PSD3: variants seen among roughly 807,000 people sequenced by gnomAD.
PSD3 encodes PH and SEC7 domain-containing protein 3.
In PSD3, 49 loss-of-function variants were observed where a neutral mutation model predicts 105.5. That is an observed-to-expected ratio of 0.46 (90% confidence interval 0.37 to 0.59). The LOEUF is 0.59. Among genes scored for constraint, PSD3 ranks in the 20% least tolerant of loss-of-function variants. The pLI is 0.00. For synonymous variants in PSD3, 557 were observed against 457.8 expected (o/e 1.22, Z -2.77); for missense variants, 1,561 against 1,263.8 (o/e 1.24, Z -3.57).
chr8:18,675,192 T>C (rs1477367361), intron 9 of PSD3, among the ~76,000 whole-genome samples: 1 of 152,088 alleles, frequency 6.6e-6, no homozygotes, highest in Non-Finnish European at 1.5e-5. Flanking sequence ...AGAAGAAAAC[T>C]GTAATGAAAA....
intron 4 of PSD3, among the ~76,000 whole-genome samples, chr8:18,865,546 C>G (rs1274019535): frequency 2.0e-5 from 3 of 151,862 alleles, no homozygotes; most frequent in African/African-American, 7.3e-5. Flanking sequence ...CACCTGTAAC[C>G]ACTTATTATC....
chr8:18,804,237 A>G (rs1470338713), intron 6 of PSD3: 1 of 282,510 alleles, frequency 3.5e-6, no homozygotes, highest in Non-Finnish European at 6.5e-6. Flanking sequence ...AATCTACAAC[A>G]CTTTTCAGTG....
chr8:18,913,194 G>C (rs1258349599), intron 2 of PSD3, among the ~76,000 whole-genome samples: 1 of 151,278 alleles, frequency 6.6e-6, no homozygotes, highest in Non-Finnish European at 1.5e-5. Flanking sequence ...TATTGGACTG[G>C]ACTCATCCAT....
At chr8:18,984,163 C>T (rs1435199416) in intron 1 of PSD3, among the ~76,000 whole-genome samples, 9 of 150,578 alleles carry the variant, frequency 6.0e-5, no homozygotes, top group Admixed American at 6.0e-4. Flanking sequence ...AGACTTGCTC[C>T]ACACAAAGTT....
intron 9 of PSD3, chr8:18,732,841 A>T (rs1484689365): frequency 6.6e-6 from 1 of 151,640 alleles, no homozygotes; most frequent in Non-Finnish European, 1.5e-5. Context: ...TTTTTTTCAC[A>T]GATATTCTAC....
chr8:18,658,253 A>G (rs1370190719), intron 9 of PSD3, among the ~76,000 whole-genome samples: 1 of 152,172 alleles, frequency 6.6e-6, no homozygotes, highest in Non-Finnish European at 1.5e-5. Flanking sequence ...GCTTTATCAC[A>G]ATTATTATTT....
intron 2 of PSD3, among the ~76,000 whole-genome samples, chr8:18,911,335 A>C (rs939074372): frequency 6.6e-6 from 1 of 152,236 alleles, no homozygotes; most frequent in Non-Finnish European, 1.5e-5. Flanking sequence ...ACTTTCAAGG[A>C]AAGTTAGCAC....
chr8:18,939,611 A>G (rs1475371587), intron 1 of PSD3, among the ~76,000 whole-genome samples: 1 of 152,026 alleles, frequency 6.6e-6, no homozygotes, highest in African/African-American at 2.4e-5. Flanking sequence ...GCCTCCTGAG[A>G]AGTTGGGATA....
intron 8 of PSD3, among the ~76,000 whole-genome samples, chr8:18,797,434 G>A (rs1295097386): frequency 1.3e-5 from 2 of 152,002 alleles, no homozygotes; most frequent in Non-Finnish European, 2.9e-5. Flanking sequence ...CAGTTGCCAA[G>A]AAGAAGCAGG....
intron 1 of PSD3, among the ~76,000 whole-genome samples, chr8:19,031,074 C>G (rs1283731223): frequency 6.6e-6 from 1 of 152,146 alleles, no homozygotes; most frequent in African/African-American, 2.4e-5. Flanking sequence ...GACTATGTAC[C>G]AGCAGCACGA....
intron 9 of PSD3, among the ~76,000 whole-genome samples, chr8:18,735,824 TG>T (rs1319641832): frequency 3.4e-4 from 51 of 152,182 alleles, no homozygotes; most frequent in African/African-American, 1.2e-3. Context: ...AGAAATTTTC[TG>T]TTTAAGTCAA....
chr8:19,046,866 G>A (rs1012346133), intron 1 of PSD3, among the ~76,000 whole-genome samples: 1 of 152,180 alleles, frequency 6.6e-6, no homozygotes. Flanking sequence ...GTGAAAAAAA[G>A]GCCTTAAACT....
intron 9 of PSD3, among the ~76,000 whole-genome samples, chr8:18,660,893 C>G (rs7842892): frequency 0.22 from 33,593 of 152,098 alleles, 4,596 homozygotes; most frequent in East Asian, 0.63. Context: ...TTAAGAATAA[C>G]AAAGCAAAGA....
At position 18,573,179 on chromosome 8, in the gene PSD3, A is replaced by G. The variant is rs527417519; in HGVS notation, c.2640-507T>C. On this transcript the variant is annotated intron_variant, in intron 13 of 15. Coordinates refer to ENST00000327040, the MANE Select transcript of PSD3 (RefSeq NM_015310.4). ...GTAACTATCCAAGAGAAATAAAAAC[A>G]TATAGATATGCCAGACGTGGTGGCT... Among the ~76,000 whole-genome samples the G allele has an allele frequency of 2.0e-5, 3 of 152,306 alleles. No individual in the cohort carries two copies. The East Asian group carries it at 5.8e-4, about 29-fold the overall frequency.
intron 1 of PSD3, among the ~76,000 whole-genome samples, chr8:18,961,939 A>C (rs182866877): frequency 4.7e-4 from 71 of 152,184 alleles, no homozygotes; most frequent in Non-Finnish European, 9.6e-4. Context: ...ACCATGTAAA[A>C]TCTATGACAT....
intron 1 of PSD3, among the ~76,000 whole-genome samples, chr8:19,002,832 G>A (rs1371346976): frequency 2.0e-5 from 3 of 152,048 alleles, no homozygotes; most frequent in East Asian, 1.9e-4. Flanking sequence ...AGAGCTAAGT[G>A]TATTAGAATT....
chr8:18,800,897 C>T (rs1207433511), intron 7 of PSD3: 1 of 154,082 alleles, frequency 6.5e-6, no homozygotes, highest in African/African-American at 2.4e-5. Flanking sequence ...AAATTTCATT[C>T]ATTACATAAA....
chr8:18,536,018 G>T, intron 15 of PSD3, 60 bp from the exon 16 acceptor site: 1 of 1,488,710 alleles, frequency 6.7e-7, no homozygotes, highest in Non-Finnish European at 9.3e-7. Flanking sequence ...CACGTGTGCA[G>T]CACACTTGTG....
At chr8:18,880,891 T>G (rs1329736081) in intron 2 of PSD3, among the ~76,000 whole-genome samples, 5 of 152,190 alleles carry the variant, frequency 3.3e-5, no homozygotes, top group African/African-American at 1.2e-4. Context: ...CACACACTAG[T>G]AGAATGTGAA....
Sources: gnomAD v4.1 joint callset for allele counts (sites outside exome capture counted in the v4.1 genomes callset) on GRCh38, gnomAD v4.1.1 for gene constraint, MANE v1.5 for transcripts, NCBI Gene and HGNC (gene_info 2026-07-23, HGNC 2026-07-21) for gene names.